Variants in WDFY3 observed in about 807,000 individuals in gnomAD.
The protein encoded by WDFY3 is WD repeat and FYVE domain-containing protein 3.
In WDFY3, 66 loss-of-function variants were observed where a neutral mutation model predicts 409.6. The ratio of observed to expected loss-of-function variants is 0.16; its 90% CI spans 0.13 to 0.20. The LOEUF (loss-of-function observed/expected upper bound fraction) is 0.20. WDFY3 is among the 10% of genes least tolerant of loss of function. The probability of loss-of-function intolerance (pLI) is 1.00; values close to 1 mark genes in which losing one functional copy is unlikely to be tolerated. For synonymous variants in WDFY3, 1,521 were observed against 1,537.1 expected (o/e 0.99, Z 0.25); for missense variants, 3,031 against 4,298.1 (o/e 0.71, Z 8.24).
chr4:84,886,657 G>A (rs149991718), intron 3 of WDFY3, among the ~76,000 whole-genome samples: 12 of 152,200 alleles, frequency 7.9e-5, no homozygotes, highest in African/African-American at 2.9e-4. Flanking sequence ...AGAGAGGGAA[G>A]GAAGGAAGGG....
chr4:84,876,811 G>A (rs1483649138), intron 3 of WDFY3, among the ~76,000 whole-genome samples: 1 of 152,022 alleles, frequency 6.6e-6, no homozygotes, highest in Non-Finnish European at 1.5e-5. Context: ...ATTACAACAT[G>A]AAAAAATGTT....
Position 84,786,081 on chromosome 4 carries a change from C to T in WDFY3, c.3960G>A (p.Glu1320=), listed in dbSNP as rs143260206. The T allele has an allele frequency of 2.5e-5, 40 of 1,613,722 alleles. No homozygotes were observed. The highest frequency in any genetic ancestry group is 3.1e-5 in the Non-Finnish European group (37 of 1,179,884). The stretch of plus-strand genomic sequence containing the variant: ...GTGCATAGAGGCCAAATGACACTTT[C>T]TCCTCTGGTACTAATGACACAGGGG... ...VPSPVSLVPE[E]KVSFGLYALS... Residue 1320 remains glutamate (E), a synonymous_variant, in exon 24 of 68, where the codon GAG becomes GAA. Coordinates refer to ENST00000295888, the MANE Select transcript of WDFY3 (RefSeq NM_014991.6).
chr4:84,783,928 T>TA (rs538558693), intron 24 of WDFY3, among the ~76,000 whole-genome samples: 18 of 151,642 alleles, frequency 1.2e-4, no homozygotes, highest in African/African-American at 4.4e-4. Context: ...TGTCAATACT[T>TA]ACAGTTCCTG....
Position 84,910,922 on chromosome 4 carries a change from G to A in WDFY3, c.-131-13912C>T, listed in dbSNP as rs552946200. On this transcript the variant is annotated intron_variant, in intron 2 of 67. Coordinates refer to ENST00000295888, the MANE Select transcript of WDFY3 (RefSeq NM_014991.6). The stretch of plus-strand genomic sequence containing the variant: ...TTTAGTAGAGACAGGGTTTCACCAC[G>A]TTGGCCAGACTGGTCTCAAACTCCT... Among the ~76,000 whole-genome samples, 13 of 149,198 alleles carry A rather than the reference G, an allele frequency of 8.7e-5. No homozygotes were observed. In the South Asian group the frequency reaches 2.1e-3, roughly 24 times the overall value.
At position 84,821,333 on chromosome 4, in the gene WDFY3, G is replaced by C; in HGVS notation, c.1342C>G (p.Leu448Val). The change falls in exon 11 of 68, where the codon CTG becomes GTG. Residue 448 changes from leucine (L) to valine (V), a missense_variant. Leu to Val is a conservative substitution (Grantham distance 32). This residue lies in a region of WDFY3 where 1,322 missense variants were observed against 1,697.9 expected (regional missense o/e 0.78). Coordinates refer to ENST00000295888, the MANE Select transcript of WDFY3 (RefSeq NM_014991.6). ...PEVQNKYFEM[L>V]EFVVFSLNYI... is the part of the protein sequence containing the mutation. ...TTTAAGCTAAAAACAACAAACTCCA[G>C]CATCTCAAAGTATTTGTTTTGTACT... 1 of 1,613,762 alleles carries C rather than the reference G, an allele frequency of 6.2e-7. No individual in the cohort carries two copies. Among genetic ancestry groups the C allele is most frequent in the Non-Finnish European group, 8.5e-7 (1 of 1,179,846 alleles).
chr4:84,808,329 A>C lies in WDFY3; in HGVS notation c.2429+5T>G, dbSNP rs973869390. The C allele has an allele frequency of 2.5e-6, 4 of 1,611,928 alleles. No individual in the cohort carries two copies. In the African/African-American group the frequency reaches 5.3e-5, roughly 22 times the overall value. The stretch of plus-strand genomic sequence containing the variant: ...AGAGACTGACTTCTCTTATATGATC[A>C]GTACCTTTTCCTGGACAAAGCTGGT... On this transcript the variant is annotated splice_donor_5th_base_variant and intron_variant, in intron 15 of 67. Transcript: ENST00000295888.
chr4:84,728,205 T>TAAAAC (rs551429645), intron 44 of WDFY3, among the ~76,000 whole-genome samples: 80 of 152,020 alleles, frequency 5.3e-4, no homozygotes, highest in Non-Finnish European at 5.0e-4. Context: ...CTGAAATTCA[T>TAAAAC]AAAACAAAAC....
chr4:84,856,207 A>C (rs1001475897), intron 4 of WDFY3, among the ~76,000 whole-genome samples: 2 of 152,236 alleles, frequency 1.3e-5, no homozygotes, highest in Admixed American at 6.5e-5. Flanking sequence ...GATAATTTGT[A>C]AGGGATTAAA....
At chr4:84,731,465 T>C (rs948070515) in intron 44 of WDFY3, among the ~76,000 whole-genome samples, 2 of 152,248 alleles carry the variant, frequency 1.3e-5, no homozygotes, top group African/African-American at 4.8e-5. Flanking sequence ...CTATGCAGTA[T>C]GAATTCTACA....
chr4:84,718,031 C>A (rs188326822), intron 48 of WDFY3, among the ~76,000 whole-genome samples: 18 of 130,764 alleles, frequency 1.4e-4, no homozygotes, highest in Non-Finnish European at 2.5e-4. Flanking sequence ...GCACTCCAGC[C>A]GGGGTGACAG....
At chr4:84,693,152 T>G in intron 58 of WDFY3, 120 bp from the exon 59 acceptor site, 1 of 1,061,506 alleles carries the variant, frequency 9.4e-7, no homozygotes, top group Non-Finnish European at 1.3e-6. Flanking sequence ...GGTACTATAT[T>G]ATCCTCATTT....
intron 2 of WDFY3, among the ~76,000 whole-genome samples, chr4:84,922,834 C>T (rs1282787583): frequency 1.3e-5 from 2 of 152,110 alleles, no homozygotes; most frequent in African/African-American, 4.8e-5. Flanking sequence ...ATCCCCCTGC[C>T]TCAGTCTCCT....
At chr4:84,784,891 T>TATATATATATATATATATACACAC (rs1238884117) in intron 24 of WDFY3, among the ~76,000 whole-genome samples, 1 of 36,916 alleles carries the variant, frequency 2.7e-5, no homozygotes, top group African/African-American at 7.7e-5. Flanking sequence ...TATATATATA[T>TATATATATATATATATATACACAC]ACACACACAC....
At chr4:84,745,509 T>TA (rs1408874502) in intron 36 of WDFY3, among the ~76,000 whole-genome samples, 1 of 152,176 alleles carries the variant, frequency 6.6e-6, no homozygotes, top group Non-Finnish European at 1.5e-5. Context: ...GTAGCTAGAA[T>TA]AAAAGTTCTA....
At chr4:84,808,275 G>A in intron 15 of WDFY3, 59 bp downstream of exon 15, 2 of 1,304,680 alleles carry the variant, frequency 1.5e-6, no homozygotes, top group South Asian at 1.3e-5. Flanking sequence ...ACATAAATAA[G>A]CACAGAAAAA....
chr4:84,679,249 G>A lies in WDFY3; in HGVS notation c.9824-7C>T, dbSNP rs1168359786. 4 of 1,492,290 alleles carry A rather than the reference G, an allele frequency of 2.7e-6. No homozygotes were observed. The highest frequency in any genetic ancestry group is 8.9e-7 in the Non-Finnish European group (1 of 1,117,482). 92.4% of individuals were successfully genotyped at this position (1,492,290 alleles called of 1,614,324 possible). On this transcript the variant is annotated splice_region_variant and splice_polypyrimidine_tract_variant and intron_variant, in intron 64 of 67. Transcript: ENST00000295888. Reference sequence around the variant, plus strand: ...TCGTCTTGGGCTTCCTGCCCTGGGTGAAGCATTGAGAGAATTGGAACATAC... The same window carrying A: ...TCGTCTTGGGCTTCCTGCCCTGGGTAAAGCATTGAGAGAATTGGAACATAC...
chr4:84,806,372 G>A (rs1751509112), intron 15 of WDFY3, among the ~76,000 whole-genome samples: 1 of 152,114 alleles, frequency 6.6e-6, no homozygotes, highest in African/African-American at 2.4e-5. Flanking sequence ...TTCTGTCCTT[G>A]GGGTAATGTC....
Position 84,796,392 on chromosome 4 carries a change from C to T in WDFY3, c.3167+129G>A, listed in dbSNP as rs1240363912. The T allele has an allele frequency of 3.1e-5, 17 of 540,864 alleles. No individual in the cohort carries two copies. The Admixed American group carries it at 3.4e-4, about 11-fold the overall frequency. The allele number at this position is 540,864 out of a possible 1,614,324, so 33.5% of individuals were successfully genotyped here. ...CTTAAAATAGCATGCTCAAAAAACTCAATAATTAAAAAATATTAAGTATGG... is the reference window on the plus strand; with the variant it reads ...CTTAAAATAGCATGCTCAAAAAACTTAATAATTAAAAAATATTAAGTATGG... On this transcript the variant is annotated intron_variant, in intron 19 of 67. Coordinates refer to ENST00000295888, the MANE Select transcript of WDFY3 (RefSeq NM_014991.6).
At chr4:84,790,815 C>A (rs1270438592) in intron 21 of WDFY3, among the ~76,000 whole-genome samples, 1 of 152,166 alleles carries the variant, frequency 6.6e-6, no homozygotes, top group East Asian at 1.9e-4. Flanking sequence ...AGACATTTCT[C>A]CAAAGAAGGC....
Sources: allele counts gnomAD v4.1 joint callset (sites outside exome capture counted in the v4.1 genomes callset), GRCh38; gene constraint gnomAD v4.1.1; regional missense constraint gnomAD v4.1.1; transcripts MANE v1.5; gene names NCBI Gene and HGNC (gene_info 2026-07-23, HGNC 2026-07-21).